Variants in NR2F1-AS1 observed in about 807,000 individuals in gnomAD.
NR2F1-AS1 encodes the protein NR2F1 antisense RNA 1.
At chr5:93,567,728 C>T (rs1752649990) in intron 1 of NR2F1-AS1, among the ~76,000 whole-genome samples, 1 of 152,128 alleles carries the variant, frequency 6.6e-6, no homozygotes, top group Non-Finnish European at 1.5e-5. Flanking sequence ...ACTGAGGAAT[C>T]AGTTTATTTA....
chr5:93,535,357 T>C (rs1580311751), intron 4 of NR2F1-AS1, among the ~76,000 whole-genome samples: 1 of 151,424 alleles, frequency 6.6e-6, no homozygotes, highest in South Asian at 2.1e-4. Flanking sequence ...ATAATAAATA[T>C]AAAAAATTTA....
chr5:93,507,560 G>A (rs1414781016), intron 4 of NR2F1-AS1, among the ~76,000 whole-genome samples: 1 of 152,060 alleles, frequency 6.6e-6, no homozygotes. Flanking sequence ...GTTTTACCAT[G>A]TTGGCCAGGC....
upstream of NR2F1-AS1, among the ~76,000 whole-genome samples, chr5:93,581,460 A>G (rs989802904): frequency 3.3e-5 from 5 of 152,168 alleles, no homozygotes; most frequent in African/African-American, 9.7e-5. Context: ...AGAATTTTCA[A>G]AGTGCTGTCT....
upstream of NR2F1-AS1, chr5:93,584,132 C>A (rs1250014699): frequency 1.3e-5 from 2 of 150,000 alleles, no homozygotes; most frequent in African/African-American, 2.4e-5. Context: ...CCCGCACTCC[C>A]GAGCCCGGCG....
At chr5:93,519,877 A>T (rs1320243891) in intron 4 of NR2F1-AS1, among the ~76,000 whole-genome samples, 1 of 152,046 alleles carries the variant, frequency 6.6e-6, no homozygotes, top group Non-Finnish European at 1.5e-5. Flanking sequence ...AAACTAAAAG[A>T]AAGAAATTCT....
At chr5:93,570,145 C>G (rs1752717864) in intron 1 of NR2F1-AS1, 1 of 152,208 alleles carries the variant, frequency 6.6e-6, no homozygotes, top group South Asian at 2.1e-4. Flanking sequence ...GCACTTTCTC[C>G]GCTGTTCCCG....
chr5:93,413,479 T>A (rs1380423701), intron 4 of NR2F1-AS1, among the ~76,000 whole-genome samples: 7 of 152,164 alleles, frequency 4.6e-5, no homozygotes. Flanking sequence ...GTTCTCACTC[T>A]CTTTGGATTG....
intron 4 of NR2F1-AS1, among the ~76,000 whole-genome samples, chr5:93,526,272 C>T (rs1751612763): frequency 6.6e-6 from 1 of 151,976 alleles, no homozygotes; most frequent in African/African-American, 2.4e-5. Context: ...GTAAATTGCT[C>T]GACACATACA....
At chr5:93,558,142 A>G (rs1045482974) in intron 2 of NR2F1-AS1, among the ~76,000 whole-genome samples, 14 of 152,118 alleles carry the variant, frequency 9.2e-5, no homozygotes, top group Non-Finnish European at 1.6e-4. Context: ...GAGTGTTGGA[A>G]TCAACTTCTT....
chr5:93,422,844 G>C (rs1749116083), intron 4 of NR2F1-AS1, among the ~76,000 whole-genome samples: 1 of 152,122 alleles, frequency 6.6e-6, no homozygotes, highest in African/African-American at 2.4e-5. Flanking sequence ...TTCCTCAGCT[G>C]GATGACTTAG....
chr5:93,551,042 A>G (rs1752215287), intron 4 of NR2F1-AS1, among the ~76,000 whole-genome samples: 1 of 152,064 alleles, frequency 6.6e-6, no homozygotes, highest in Non-Finnish European at 1.5e-5. Context: ...CAGCAGCACA[A>G]ATTAAATCAC....
intron 4 of NR2F1-AS1, among the ~76,000 whole-genome samples, chr5:93,428,508 G>A (rs1041123528): frequency 6.6e-6 from 1 of 152,112 alleles, no homozygotes; most frequent in Admixed American, 6.5e-5. Context: ...ATAGTAACAG[G>A]TATTAATATT....
intron 4 of NR2F1-AS1, among the ~76,000 whole-genome samples, chr5:93,432,175 C>A (rs562369825): frequency 7.1e-4 from 108 of 152,154 alleles, no homozygotes; most frequent in Non-Finnish European, 1.2e-3. Context: ...GTGTTTAAGA[C>A]CTAGTCCATT....
chr5:93,501,502 C>T (rs1313290358), intron 4 of NR2F1-AS1, among the ~76,000 whole-genome samples: 1 of 151,648 alleles, frequency 6.6e-6, no homozygotes, highest in Non-Finnish European at 1.5e-5. Flanking sequence ...TACAGGTGTC[C>T]ACCACCATAC....
intron 4 of NR2F1-AS1, among the ~76,000 whole-genome samples, chr5:93,419,706 A>T (rs1250077667): frequency 6.6e-6 from 1 of 152,244 alleles, no homozygotes; most frequent in Non-Finnish European, 1.5e-5. Flanking sequence ...TTTCTTAAAC[A>T]TATATGTGTT....
intron 4 of NR2F1-AS1, among the ~76,000 whole-genome samples, chr5:93,444,404 T>C (rs1280309838): frequency 1.3e-5 from 2 of 152,136 alleles, no homozygotes; most frequent in Non-Finnish European, 2.9e-5. Context: ...GCAATCCTAG[T>C]CTCTGATCAA....
At chr5:93,491,860 T>C (rs1441101661) in intron 4 of NR2F1-AS1, among the ~76,000 whole-genome samples, 1 of 152,196 alleles carries the variant, frequency 6.6e-6, no homozygotes, top group Non-Finnish European at 1.5e-5. Flanking sequence ...GCCTTCAGAC[T>C]CTTGACTGAA....
rs530958530 is a variant in NR2F1-AS1 at position 93,547,139 on chromosome 5, G to A, written n.638+6622C>T. ...TAAAATAAATCATATATGTGTGTGC[G>A]TGGGTGTGTGTATGTATATGCATAT... On this transcript the variant is annotated intron_variant and non_coding_transcript_variant, in intron 4 of 5. Transcript: ENST00000660523. Among the ~76,000 whole-genome samples, 8 of 152,164 alleles carry A rather than the reference G, an allele frequency of 5.3e-5. No homozygotes were observed. The East Asian group carries it at 7.7e-4, about 15-fold the overall frequency.
chr5:93,550,699 T>C (rs1752206515), intron 4 of NR2F1-AS1, among the ~76,000 whole-genome samples: 1 of 152,198 alleles, frequency 6.6e-6, no homozygotes, highest in South Asian at 2.1e-4. Flanking sequence ...TTACATTGTG[T>C]TGTTAAAATG....
Sources: gnomAD v4.1 joint callset for allele counts (sites outside exome capture counted in the v4.1 genomes callset) on GRCh38, gnomAD v4.1.1 for gene constraint, MANE v1.5 for transcripts, NCBI Gene and HGNC (gene_info 2026-07-23, HGNC 2026-07-21) for gene names.